GSN: variants seen among roughly 807,000 people sequenced by gnomAD.
GSN encodes the protein actin-depolymerizing factor.
GSN carries 56 observed loss-of-function variants against 85.7 expected under a neutral mutation model. That is an observed-to-expected ratio of 0.65 (90% CI 0.53 to 0.82). The LOEUF is 0.82. Among genes scored for constraint, GSN ranks in the 40% least tolerant of loss-of-function variants. The pLI, the probability that GSN is intolerant of heterozygous loss-of-function variation, is 0.00. For synonymous variants in GSN, 373 were observed against 399.1 expected, an observed-to-expected ratio of 0.93 and a Z score of 0.78; for missense variants, 857 against 979.8, an observed-to-expected ratio of 0.87 and a Z score of 1.67.
chr9:121,244,960 C>G (rs972232819), intron 5 of GSN, among the ~76,000 whole-genome samples: 9 of 151,790 alleles, frequency 5.9e-5, no homozygotes, highest in Admixed American at 5.2e-4. Context: ...GCTTTAGAAG[C>G]TAGCTTCTAA....
chr9:121,288,448 A>G (rs1297809346), intron 2 of GSN, among the ~76,000 whole-genome samples: 1 of 152,214 alleles, frequency 6.6e-6, no homozygotes, highest in East Asian at 1.9e-4. Context: ...CATAACACAG[A>G]TGCCCAGGTA....
At chr9:121,305,120 G>A (rs2060265815) in intron 4 of GSN, among the ~76,000 whole-genome samples, 1 of 152,182 alleles carries the variant, frequency 6.6e-6, no homozygotes, top group Non-Finnish European at 1.5e-5. Flanking sequence ...GATTTTCCAG[G>A]TCAGAGAATG....
Position 121,321,197 on chromosome 9 carries a change from G to A in GSN, c.1192-71G>A, listed in dbSNP as rs929273107. ...GCCTAACCACAACCTACCACACTGC[G>A]GTTTCCTGGCTTGCCTGAGCTGGGG... is the stretch of plus-strand genomic sequence containing the variant. On this transcript the variant is annotated intron_variant, in intron 10 of 17. Coordinates refer to ENST00000432226, the MANE Select transcript of GSN (RefSeq NM_198252.3). The A allele has an allele frequency of 1.7e-5, 26 of 1,553,752 alleles. No homozygotes were observed. In the African/African-American group the frequency reaches 2.3e-4, roughly 14 times the overall value.
chr9:121,270,344 TGGCTGATGTAGGGGATGCATTGAACGA>T (rs566201346), intron 1 of GSN, among the ~76,000 whole-genome samples: 80 of 152,336 alleles, frequency 5.3e-4, no homozygotes, highest in African/African-American at 1.9e-3. Flanking sequence ...TTATTCTGAA[TGGCTGATGTAGGGGATGCATTGAACGA>T]GGCTGATCTG....
At chr9:121,255,909 C>T (rs1445843800) in intron 6 of GSN, among the ~76,000 whole-genome samples, 2 of 152,208 alleles carry the variant, frequency 1.3e-5, no homozygotes, top group African/African-American at 2.4e-5. Context: ...CATCAATTTA[C>T]ACTCTAACTA....
rs777848416 is a variant in GSN, at chr9:121,261,633, G to A, written c.-340-3521G>A. Among the ~76,000 whole-genome samples the A allele has an allele frequency of 1.3e-5, 2 of 152,170 alleles. No individual in the cohort carries two copies. Among genetic ancestry groups the A allele is most frequent in the South Asian group, 2.1e-4 (1 of 4,830 alleles). On this transcript the variant is annotated intron_variant, in intron 6 of 24. Coordinates refer to the GSN transcript ENST00000373823. The surrounding 1 kb of genome is among the most constrained non-coding windows in gnomAD (Gnocchi z 4.1). Reference sequence around the variant, plus strand: ...GCATCCATGAATATGGTTTCCTCCCGTTTTTTATAAGACCCATCCATCTTG... The same window carrying A: ...GCATCCATGAATATGGTTTCCTCCCATTTTTTATAAGACCCATCCATCTTG...
intron 4 of GSN, among the ~76,000 whole-genome samples, chr9:121,227,040 C>T (rs752292310): frequency 3.9e-5 from 6 of 151,990 alleles, no homozygotes; most frequent in African/African-American, 9.7e-5. Flanking sequence ...CCTCTCCAGA[C>T]GTTGTCCCAT....
At chr9:121,236,132 G>T (rs930622913) in intron 5 of GSN, among the ~76,000 whole-genome samples, 1 of 152,266 alleles carries the variant, frequency 6.6e-6, no homozygotes, top group South Asian at 2.1e-4. Context: ...GGCAGCCACA[G>T]GTGTTTCTTG....
rs1434959232 is a variant in GSN, at chr9:121,318,799, C to A, written c.1110C>A (p.Pro370=). The change falls in exon 10 of 18, where the codon CCC becomes CCA. Residue 370 remains proline (P), a synonymous_variant. Transcript: ENST00000432226. The surrounding 1 kb of genome is among the most constrained non-coding windows in gnomAD (Gnocchi z 4.3). ...SSHIANVERV[P]FDAATLHTST... The stretch of plus-strand genomic sequence containing the variant: ...ATATCGCCAACGTGGAGCGGGTGCC[C>A]TTCGACGCCGCCACCCTGCACACCT... The A allele has an allele frequency of 1.2e-6, 2 of 1,614,130 alleles. No homozygotes were observed. Among genetic ancestry groups the A allele is most frequent in the Admixed American group, 3.3e-5 (2 of 60,036 alleles).
At position 121,299,585 on chromosome 9, in the gene GSN, T is replaced by A. The variant is rs1389719189; in HGVS notation, c.-9-2378T>A. On this transcript the variant is annotated intron_variant, in intron 2 of 17. Transcript: ENST00000432226. The surrounding 1 kb of genome is among the most constrained non-coding windows in gnomAD (Gnocchi z 4.2). ...GAGGCTCAGCTGGGCTCGCCGCCGC[T>A]CGTGCCTGCGCCCATTTAGTGTGCA... 6 of 599,354 alleles carry A rather than the reference T, an allele frequency of 1.0e-5. No homozygotes were observed. The highest frequency in any genetic ancestry group is 1.0e-5 in the Non-Finnish European group (5 of 477,220). 37.1% of individuals were successfully genotyped at this position (599,354 alleles called of 1,614,324 possible).
intron 4 of GSN, among the ~76,000 whole-genome samples, chr9:121,305,787 C>T (rs2060347394): frequency 6.6e-6 from 1 of 152,226 alleles, no homozygotes; most frequent in Non-Finnish European, 1.5e-5. Flanking sequence ...TCTTGTTTAC[C>T]ACCTTCTGTA....
At chr9:121,297,290 A>G (rs151000625) in intron 2 of GSN, among the ~76,000 whole-genome samples, 9 of 152,356 alleles carry the variant, frequency 5.9e-5, no homozygotes, top group African/African-American at 2.2e-4. Context: ...ATATTAAGGT[A>G]TAATTTACAT....
At chr9:121,206,718 A>G (rs555606744), upstream of GSN, among the ~76,000 whole-genome samples, 2 of 151,878 alleles carry the variant, frequency 1.3e-5, no homozygotes, top group East Asian at 1.9e-4. Flanking sequence ...GCCATGTTAC[A>G]TGAAAAAAAA....
Position 121,299,658 on chromosome 9 carries a change from C to A in GSN, c.-9-2305C>A. ...TCAGGCCTGGTGCTGGGTCTCCGCC[C>A]CGGAGCTGGGGTGCAGGGGCTGCCG... On this transcript the variant is annotated intron_variant, in intron 2 of 17. Transcript: ENST00000432226. The surrounding 1 kb of genome is among the most constrained non-coding windows in gnomAD (Gnocchi z 4.2). 1.5e-6 allele frequency: 1 copy of A among 658,872 alleles called. No homozygotes were observed. Among genetic ancestry groups the A allele is most frequent in the Non-Finnish European group, 2.0e-6 (1 of 493,776 alleles). 40.8% of individuals were successfully genotyped at this position (658,872 alleles called of 1,614,324 possible).
rs2063676616 is a variant in GSN at position 121,329,734 on chromosome 9, G to A, written c.1965+419G>A. Among the ~76,000 whole-genome samples, 1 of 152,152 alleles carries A rather than the reference G, an allele frequency of 6.6e-6. No individual in the cohort carries two copies. Among genetic ancestry groups the A allele is most frequent in the South Asian group, 2.1e-4 (1 of 4,824 alleles). ...CCTGCTTCTGGTTTGAGGGCTCTGGGCTCTGTCTCCACTTCATCTCCTAGA... is the reference window on the plus strand; with the variant it reads ...CCTGCTTCTGGTTTGAGGGCTCTGGACTCTGTCTCCACTTCATCTCCTAGA... On this transcript the variant is annotated intron_variant, in intron 16 of 17. Transcript: ENST00000432226. This position sits in a 1 kb window ranked among gnomAD's most constrained non-coding sequence, Gnocchi z 4.6.
chr9:121,285,490 T>C (rs1285042275), intron 2 of GSN: 1 of 167,710 alleles, frequency 6.0e-6, no homozygotes, highest in African/African-American at 2.4e-5. Context: ...ACAAGGCTGG[T>C]ACAGCATGGC....
At chr9:121,293,474 C>T (rs750356541) in intron 2 of GSN, among the ~76,000 whole-genome samples, 10 of 151,640 alleles carry the variant, frequency 6.6e-5, no homozygotes, top group African/African-American at 1.2e-4. Context: ...ATAGGCCGGG[C>T]GCGGTGGTTC....
chr9:121,204,077 C>T (rs892088819), upstream of GSN, among the ~76,000 whole-genome samples: 1 of 152,178 alleles, frequency 6.6e-6, no homozygotes, highest in African/African-American at 2.4e-5. Context: ...TCCTTATAGC[C>T]ATTATCACCT....
At chr9:121,310,006 A>C (rs1169948358) in intron 4 of GSN, 1 of 153,590 alleles carries the variant, frequency 6.5e-6, no homozygotes, top group Non-Finnish European at 1.4e-5. Flanking sequence ...AGAGAGAGAG[A>C]AAGAGAGAAA....
Sources: allele counts gnomAD v4.1 joint callset (sites outside exome capture counted in the v4.1 genomes callset), GRCh38; gene constraint gnomAD v4.1.1; non-coding constraint Gnocchi (gnomAD v3.1); transcripts MANE v1.5; gene names NCBI Gene and HGNC (gene_info 2026-07-23, HGNC 2026-07-21).